NRXN1: variants seen among roughly 807,000 people sequenced by gnomAD.
NRXN1 encodes the protein neurexin 1, also known as neurexin-1.
Under a neutral mutation model 150.9 loss-of-function variants are expected in NRXN1, and 39 were observed. That is an observed-to-expected ratio of 0.26 (90% confidence interval 0.20 to 0.34). NRXN1 has a LOEUF of 0.34. Among genes scored for constraint, NRXN1 ranks in the 10% least tolerant of loss-of-function variants. The pLI is 1.00. For missense variants in NRXN1, 1,815 were observed against 1,949.9 expected (o/e 0.93, Z 1.30); for synonymous variants, 924 against 757.0 (o/e 1.22, Z -3.62).
chr2:50,810,110 A>G (rs1255639420), intron 5 of NRXN1, among the ~76,000 whole-genome samples: 1 of 152,132 alleles, frequency 6.6e-6, no homozygotes, highest in African/African-American at 2.4e-5. Flanking sequence ...TGTTGTTGAT[A>G]AATTTAGTTT....
At chr2:49,980,351 T>A (rs77485072) in intron 21 of NRXN1, among the ~76,000 whole-genome samples, 6 of 152,268 alleles carry the variant, frequency 3.9e-5, no homozygotes, top group African/African-American at 1.4e-4. Context: ...TTAAGAACCT[T>A]GGGACCATAT....
chr2:50,306,679 G>T (rs2074640066), intron 17 of NRXN1, among the ~76,000 whole-genome samples: 1 of 152,070 alleles, frequency 6.6e-6, no homozygotes, highest in African/African-American at 2.4e-5. Flanking sequence ...ATTCACATTT[G>T]ATGCACCCTT....
At chr2:50,184,291 A>C (rs2060926184) in intron 18 of NRXN1, among the ~76,000 whole-genome samples, 1 of 152,060 alleles carries the variant, frequency 6.6e-6, no homozygotes. Context: ...AGTATGCTAC[A>C]TAACCAAAAC....
At chr2:50,434,043 A>ATC (rs1553609855) in intron 17 of NRXN1, among the ~76,000 whole-genome samples, 896 of 72,146 alleles carry the variant, frequency 0.012, 217 homozygotes, top group African/African-American at 0.039. Flanking sequence ...TATCTAAGCC[A>ATC]TTTTTTTTTT....
At chr2:50,779,640 T>C (rs1344224903) in intron 5 of NRXN1, among the ~76,000 whole-genome samples, 2 of 151,918 alleles carry the variant, frequency 1.3e-5, no homozygotes, top group East Asian at 3.9e-4. Flanking sequence ...TGGTGGCGGG[T>C]GCCTGTAGTC....
intron 19 of NRXN1, among the ~76,000 whole-genome samples, chr2:50,070,576 C>T (rs1372505490): frequency 6.6e-6 from 1 of 151,640 alleles, no homozygotes; most frequent in African/African-American, 2.4e-5. Context: ...CGAGACCATC[C>T]CGGCTAAAAC....
At chr2:50,285,272 A>G (rs975247975) in intron 17 of NRXN1, among the ~76,000 whole-genome samples, 4 of 152,146 alleles carry the variant, frequency 2.6e-5, no homozygotes, top group Non-Finnish European at 5.9e-5. Context: ...AATAATTTGT[A>G]TTTATTTATT....
intron 19 of NRXN1, among the ~76,000 whole-genome samples, chr2:50,089,918 G>A (rs879684380): frequency 2.0e-5 from 3 of 152,152 alleles, no homozygotes; most frequent in African/African-American, 4.8e-5. Context: ...AAGTTACTTG[G>A]CTTTCAAATC....
intron 18 of NRXN1, among the ~76,000 whole-genome samples, chr2:50,093,512 GT>G (rs1379404560): frequency 2.1e-4 from 32 of 151,332 alleles, no homozygotes; most frequent in Non-Finnish European, 4.3e-4. Flanking sequence ...GCACACACCT[GT>G]ATTCCCAACT....
chr2:50,966,742 A>G (rs887431267), intron 2 of NRXN1, among the ~76,000 whole-genome samples: 1 of 152,020 alleles, frequency 6.6e-6, no homozygotes, highest in East Asian at 1.9e-4. Flanking sequence ...AGTGGGGAGA[A>G]ATGAATGGGT....
intron 17 of NRXN1, among the ~76,000 whole-genome samples, chr2:50,243,956 A>G (rs1419095555): frequency 6.6e-6 from 1 of 151,922 alleles, no homozygotes; most frequent in African/African-American, 2.4e-5. Flanking sequence ...AATGAGGTCA[A>G]GAATCATTTC....
intron 18 of NRXN1, among the ~76,000 whole-genome samples, chr2:50,178,689 G>A (rs1002348786): frequency 2.6e-5 from 4 of 152,080 alleles, no homozygotes; most frequent in African/African-American, 9.7e-5. Context: ...GCTATGAGTA[G>A]ATTTCTATAG....
intron 2 of NRXN1, among the ~76,000 whole-genome samples, chr2:50,959,777 T>G (rs965549416): frequency 6.6e-5 from 10 of 152,060 alleles, no homozygotes; most frequent in African/African-American, 2.4e-4. Flanking sequence ...TACACACATA[T>G]GCACACACAT....
chr2:50,646,790 C>T (rs1400309623), intron 5 of NRXN1, among the ~76,000 whole-genome samples: 1 of 133,104 alleles, frequency 7.5e-6, no homozygotes, highest in Non-Finnish European at 1.5e-5. Flanking sequence ...CACCATGATT[C>T]TCTGTTTGGA....
chr2:50,286,475 T>G (rs2152938527), intron 17 of NRXN1, among the ~76,000 whole-genome samples: 1 of 152,310 alleles, frequency 6.6e-6, no homozygotes, highest in South Asian at 2.1e-4. Context: ...ATCTTTATTA[T>G]GGCTGGATAG....
At chr2:50,686,699 G>T (rs1258092893) in intron 5 of NRXN1, among the ~76,000 whole-genome samples, 2 of 152,122 alleles carry the variant, frequency 1.3e-5, no homozygotes, top group African/African-American at 4.8e-5. Context: ...ACCACATCTC[G>T]AGTCTATCTC....
intron 2 of NRXN1, among the ~76,000 whole-genome samples, chr2:50,978,999 T>C (rs1696353673): frequency 6.6e-6 from 1 of 152,092 alleles, no homozygotes; most frequent in Admixed American, 6.6e-5. Context: ...ATAAAATACA[T>C]AGAATTACAT....
chr2:50,774,830 A>C (rs1703412963), intron 5 of NRXN1, among the ~76,000 whole-genome samples: 1 of 152,232 alleles, frequency 6.6e-6, no homozygotes, highest in Admixed American at 6.5e-5. Context: ...TGTTATGATA[A>C]AAATTATTAT....
chr2:50,858,991 C>A (rs942129940), intron 5 of NRXN1, among the ~76,000 whole-genome samples: 1 of 152,008 alleles, frequency 6.6e-6, no homozygotes, highest in Non-Finnish European at 1.5e-5. Flanking sequence ...AACAGCCCGG[C>A]CTGTAAATCT....
Sources: gnomAD v4.1 joint callset for allele counts (sites outside exome capture counted in the v4.1 genomes callset) on GRCh38, gnomAD v4.1.1 for gene constraint, MANE v1.5 for transcripts, NCBI Gene and HGNC (gene_info 2026-07-23, HGNC 2026-07-21) for gene names.